ARB2A: variants seen among roughly 807,000 people sequenced by gnomAD.
ARB2A encodes ARB2 cotranscriptional regulator A.
At chr5:93,765,033 T>C in the ARB2A span, among the ~76,000 whole-genome samples, 1 of 152,178 alleles carries the variant, frequency 6.6e-6, no homozygotes, top group Non-Finnish European at 1.5e-5. Flanking sequence ...TAGGTATTGA[T>C]GGGACGTATC....
the ARB2A span, among the ~76,000 whole-genome samples, chr5:93,985,814 G>T: frequency 7.9e-5 from 12 of 152,224 alleles, no homozygotes; most frequent in African/African-American, 2.7e-4. Context: ...CTCCCAAAGT[G>T]CTGAGATTGC....
chr5:93,901,295 A>G, the ARB2A span, among the ~76,000 whole-genome samples: 1 of 152,194 alleles, frequency 6.6e-6, no homozygotes, highest in Non-Finnish European at 1.5e-5. Flanking sequence ...TGAATCTACA[A>G]AGTAGAGGAG....
chr5:94,057,490 G>A, the ARB2A span, among the ~76,000 whole-genome samples: 1 of 152,114 alleles, frequency 6.6e-6, no homozygotes, highest in Admixed American at 6.6e-5. Context: ...CAATGTAAAT[G>A]TACTTTATGC....
chr5:94,078,682 A>T, the ARB2A span, among the ~76,000 whole-genome samples: 1 of 152,120 alleles, frequency 6.6e-6, no homozygotes, highest in Non-Finnish European at 1.5e-5. Flanking sequence ...TGAGACTAGG[A>T]ATACCAGGTT....
chr5:93,727,812 A>G, the ARB2A span, among the ~76,000 whole-genome samples: 1 of 152,106 alleles, frequency 6.6e-6, no homozygotes, highest in Non-Finnish European at 1.5e-5. Context: ...CACCTGCTGA[A>G]ACAATTTATG....
chr5:94,073,700 T>C, the ARB2A span, among the ~76,000 whole-genome samples: 1 of 152,240 alleles, frequency 6.6e-6, no homozygotes, highest in Non-Finnish European at 1.5e-5. Context: ...CCCTCACTCC[T>C]AAATTGTCCA....
At chr5:94,051,739 A>G in the ARB2A span, among the ~76,000 whole-genome samples, 2 of 152,254 alleles carry the variant, frequency 1.3e-5, no homozygotes, top group African/African-American at 2.4e-5. Flanking sequence ...AACATTCCTC[A>G]TATCTAAACC....
chr5:94,014,811 A>G, the ARB2A span, among the ~76,000 whole-genome samples: 3 of 151,160 alleles, frequency 2.0e-5, no homozygotes, highest in Admixed American at 2.0e-4. Context: ...AAAGAATCAG[A>G]GAACTCAAAG....
At chr5:94,101,011 T>C in the ARB2A span, among the ~76,000 whole-genome samples, 332 of 151,830 alleles carry the variant, frequency 2.2e-3, 2 homozygotes, top group African/African-American at 7.7e-3. Flanking sequence ...ACCTACAGAA[T>C]GGGAAAAAAA....
chr5:93,779,444 C>A, the ARB2A span, among the ~76,000 whole-genome samples: 1 of 152,128 alleles, frequency 6.6e-6, no homozygotes, highest in African/African-American at 2.4e-5. Context: ...GAGATGAACA[C>A]TACCAAAGTG....
the ARB2A span, among the ~76,000 whole-genome samples, chr5:94,106,885 A>AC: frequency 3.3e-5 from 5 of 150,856 alleles, no homozygotes; most frequent in Admixed American, 3.3e-4. Flanking sequence ...AAAAAAAAAA[A>AC]AAAAAAACAA....
At chr5:93,769,980 A>G in the ARB2A span, among the ~76,000 whole-genome samples, 3 of 152,228 alleles carry the variant, frequency 2.0e-5, no homozygotes, top group Non-Finnish European at 2.9e-5. Context: ...TATAAGATCA[A>G]GTATGATAAA....
At chr5:93,617,808 C>A in the ARB2A span, among the ~76,000 whole-genome samples, 12 of 152,078 alleles carry the variant, frequency 7.9e-5, no homozygotes, top group Admixed American at 1.3e-4. Flanking sequence ...GTTCAGATTT[C>A]CTTGCTAAGG....
chr5:93,846,685 AATATT>A, the ARB2A span, among the ~76,000 whole-genome samples: 1 of 152,136 alleles, frequency 6.6e-6, no homozygotes, highest in Admixed American at 6.6e-5. Context: ...TATACTTATT[AATATT>A]ATAATATTAC....
At chr5:93,674,209 T>C in the ARB2A span, among the ~76,000 whole-genome samples, 2 of 152,202 alleles carry the variant, frequency 1.3e-5, no homozygotes, top group East Asian at 3.8e-4. Flanking sequence ...CGTAGCCCCA[T>C]ATGGCAAGGT....
chr5:93,734,223 A>C, the ARB2A span: 410 of 152,328 alleles, frequency 2.7e-3, 1 homozygote, highest in African/African-American at 9.4e-3. Context: ...AAAGGCAATA[A>C]TCAATACATT....
chr5:94,028,268 T>C, the ARB2A span, among the ~76,000 whole-genome samples: 1 of 152,174 alleles, frequency 6.6e-6, no homozygotes, highest in Non-Finnish European at 1.5e-5. Context: ...GTAAGACATG[T>C]GGGAGCATGA....
the ARB2A span, among the ~76,000 whole-genome samples, chr5:93,845,678 C>T: frequency 6.2e-4 from 94 of 152,336 alleles, no homozygotes; most frequent in African/African-American, 1.7e-3. Flanking sequence ...CAAGACTGAT[C>T]TGGCTACTGC....
the ARB2A span, among the ~76,000 whole-genome samples, chr5:93,888,257 T>C: frequency 6.6e-6 from 1 of 151,872 alleles, no homozygotes; most frequent in African/African-American, 2.4e-5. Flanking sequence ...TATGATTTAA[T>C]ACCATAGTTT....
Sources: allele counts gnomAD v4.1 joint callset (sites outside exome capture counted in the v4.1 genomes callset), GRCh38; gene constraint gnomAD v4.1.1; transcripts MANE v1.5; gene names NCBI Gene and HGNC (gene_info 2026-07-23, HGNC 2026-07-21).